TMCC1: variants seen among roughly 807,000 people sequenced by gnomAD.
TMCC1 encodes the protein transmembrane and coiled-coil domains protein 1.
A neutral mutation model predicts 52.4 loss-of-function variants in TMCC1; 15 were observed. The observed-to-expected ratio is 0.29, with a 90% CI of 0.19 to 0.44. The LOEUF is 0.44. TMCC1 is among the 20% of genes least tolerant of loss of function. The pLI is 1.00. For missense variants in TMCC1, 503 were observed against 806.0 expected (o/e 0.62, Z 4.55); for synonymous variants, 279 against 301.9 (o/e 0.92, Z 0.79).
rs1170999645 is a variant in TMCC1, at chr3:129,799,152, TGACC to T, written c.576+28647_576+28650del. 4.6e-5 allele frequency among the ~76,000 whole-genome samples: 7 copies of T among 152,346 alleles called. No homozygotes were observed. The East Asian group carries it at 1.3e-3, about 29-fold the overall frequency. On this transcript the variant is annotated intron_variant, in intron 4 of 6. Transcript: ENST00000393238. ...TGTGAGGGTTGATTTAAAGGGCAGC[TGACC>T]TTGCCAAATAAGGTCTTTATTTGGA...
chr3:129,674,136 T>G (rs2088200031), intron 4 of TMCC1, among the ~76,000 whole-genome samples: 1 of 152,252 alleles, frequency 6.6e-6, no homozygotes, highest in African/African-American at 2.4e-5. Context: ...GTTTGCACTT[T>G]GACAAAACTC....
chr3:129,892,672 C>G (rs993799469), intron 1 of TMCC1: 1 of 152,156 alleles, frequency 6.6e-6, no homozygotes, highest in Non-Finnish European at 1.5e-5. Flanking sequence ...TTGCGGGGGC[C>G]GGGGGTAGCC....
chr3:129,760,316 C>T (rs1373422096), intron 4 of TMCC1, among the ~76,000 whole-genome samples: 1 of 152,086 alleles, frequency 6.6e-6, no homozygotes. Context: ...CTCAAGCCAT[C>T]CTCTCACTTC....
At chr3:129,654,669 C>T (rs1329586378) in intron 6 of TMCC1, among the ~76,000 whole-genome samples, 1 of 152,196 alleles carries the variant, frequency 6.6e-6, no homozygotes, top group Non-Finnish European at 1.5e-5. Flanking sequence ...GGCCCAAATA[C>T]TTGTCAGAGC....
chr3:129,797,377 G>T (rs1017958273), intron 4 of TMCC1, among the ~76,000 whole-genome samples: 5 of 151,100 alleles, frequency 3.3e-5, no homozygotes, highest in Non-Finnish European at 7.4e-5. Context: ...GAGCAGAGAA[G>T]ATGCATCAAA....
chr3:129,663,537 CT>C (rs1445702343), intron 5 of TMCC1, among the ~76,000 whole-genome samples: 5 of 152,018 alleles, frequency 3.3e-5, no homozygotes, highest in African/African-American at 1.2e-4. Flanking sequence ...TTCTCCTTAC[CT>C]TTTGTTACCT....
intron 4 of TMCC1, among the ~76,000 whole-genome samples, chr3:129,684,268 A>G (rs1481582313): frequency 6.6e-6 from 1 of 152,138 alleles, no homozygotes; most frequent in Non-Finnish European, 1.5e-5. Flanking sequence ...TAACTGAGAT[A>G]AGAAGAACAT....
chr3:129,853,701 T>C (rs890553961), intron 2 of TMCC1, among the ~76,000 whole-genome samples: 1 of 151,850 alleles, frequency 6.6e-6, no homozygotes, highest in Non-Finnish European at 1.5e-5. Flanking sequence ...TATCTAAATC[T>C]AAGCAATCCA....
intron 2 of TMCC1, among the ~76,000 whole-genome samples, chr3:129,842,676 T>C (rs2059474502): frequency 6.6e-6 from 1 of 152,018 alleles, no homozygotes; most frequent in Non-Finnish European, 1.5e-5. Flanking sequence ...ATCTTCAAGA[T>C]AAATAAAAAT....
chr3:129,697,464 T>G (rs2047498901), intron 4 of TMCC1, among the ~76,000 whole-genome samples: 1 of 152,186 alleles, frequency 6.6e-6, no homozygotes, highest in South Asian at 2.1e-4. Flanking sequence ...CCTCTAGGCC[T>G]GTGATGGGAG....
At chr3:129,707,635 A>C (rs2048342690) in intron 4 of TMCC1, among the ~76,000 whole-genome samples, 2 of 152,230 alleles carry the variant, frequency 1.3e-5, no homozygotes, top group South Asian at 4.1e-4. Context: ...TATTGCAAAC[A>C]TTTTAAAGTT....
intron 2 of TMCC1, among the ~76,000 whole-genome samples, chr3:129,834,459 T>C (rs956355419): frequency 6.6e-6 from 1 of 152,148 alleles, no homozygotes; most frequent in African/African-American, 2.4e-5. Flanking sequence ...AAGGGGGTTG[T>C]TGAAACCAAC....
chr3:129,810,940 T>C (rs2107794085), intron 4 of TMCC1, among the ~76,000 whole-genome samples: 1 of 152,350 alleles, frequency 6.6e-6, no homozygotes, highest in South Asian at 2.1e-4. Context: ...TGTGGTGAGC[T>C]TAAGGCAGAA....
chr3:129,767,059 C>T (rs1441128370), intron 4 of TMCC1, among the ~76,000 whole-genome samples: 8 of 151,792 alleles, frequency 5.3e-5, no homozygotes, highest in Non-Finnish European at 5.9e-5. Flanking sequence ...GCCAGGAGTT[C>T]GAGAACAGAC....
chr3:129,651,167 C>G lies in TMCC1; in HGVS notation c.*314G>C, dbSNP rs2086299500. On this transcript the variant is annotated 3_prime_UTR_variant, in exon 7 of 7. Transcript: ENST00000393238. This position sits in a 1 kb window ranked among gnomAD's most constrained non-coding sequence, Gnocchi z 5.1. Reference sequence around the variant, plus strand: ...TGGGTTTTAGTGCAGTCCTTCAAGCCACAATTTAGATTGCCCTTCGGTGTG... The same window carrying G: ...TGGGTTTTAGTGCAGTCCTTCAAGCGACAATTTAGATTGCCCTTCGGTGTG... The G allele has an allele frequency of 1.6e-5, 5 of 307,138 alleles. 1 individual carries two copies. In the South Asian group the frequency reaches 2.3e-4, roughly 14 times the overall value. 19.0% of individuals were successfully genotyped at this position (307,138 alleles called of 1,614,324 possible).
chr3:129,866,308 CATATATTATATATACATATATACATAAT>C (rs1265352927), intron 2 of TMCC1, among the ~76,000 whole-genome samples: 2 of 133,760 alleles, frequency 1.5e-5, no homozygotes, highest in South Asian at 2.2e-4. Flanking sequence ...ATAATATATA[CATATATTATATATACATATATACATAAT>C]ATATATTATA....
At chr3:129,745,162 T>C (rs1203606667) in intron 4 of TMCC1, among the ~76,000 whole-genome samples, 1 of 152,250 alleles carries the variant, frequency 6.6e-6, no homozygotes, top group African/African-American at 2.4e-5. Context: ...GAGGCACTGC[T>C]ATCTACTAGG....
intron 4 of TMCC1, among the ~76,000 whole-genome samples, chr3:129,769,090 C>A (rs991469785): frequency 1.5e-4 from 23 of 152,226 alleles, no homozygotes; most frequent in African/African-American, 5.3e-4. Context: ...ATAATTTCTT[C>A]TTTCAAGCCC....
At chr3:129,721,677 C>T (rs1019814537) in intron 4 of TMCC1, among the ~76,000 whole-genome samples, 1 of 143,864 alleles carries the variant, frequency 7.0e-6, no homozygotes, top group African/African-American at 2.6e-5. Context: ...TGGCTAACAC[C>T]GTGAAACCCC....
Sources: allele counts gnomAD v4.1 joint callset (sites outside exome capture counted in the v4.1 genomes callset), GRCh38; gene constraint gnomAD v4.1.1; non-coding constraint Gnocchi (gnomAD v3.1); transcripts MANE v1.5; gene names NCBI Gene and HGNC (gene_info 2026-07-23, HGNC 2026-07-21).